Variants in FAM25G observed in about 807,000 individuals in gnomAD.
FAM25G encodes family with sequence similarity 25 member G.
FAM25G carries 3 observed loss-of-function variants against 6.4 expected under a neutral mutation model. The observed-to-expected ratio is 0.47, with a 90% CI of 0.21 to 1.21. FAM25G has a LOEUF of 1.21. FAM25G is among the 50% of genes most tolerant of loss of function. FAM25G has a pLI of 0.22. For synonymous variants in FAM25G, 15 were observed against 31.3 expected (o/e 0.48, Z 1.74); for missense variants, 34 against 76.0 (o/e 0.45, Z 2.06).
At chr10:47,488,162 C>T (rs1428837781) in intron 2 of FAM25G, among the ~76,000 whole-genome samples, 1 of 132,710 alleles carries the variant, frequency 7.5e-6, no homozygotes, top group Non-Finnish European at 1.6e-5. Flanking sequence ...TTCCCATCCT[C>T]CAGGAGTGTG....
chr10:47,489,260 C>A (rs1364249771), intron 2 of FAM25G, among the ~76,000 whole-genome samples: 2 of 142,584 alleles, frequency 1.4e-5, no homozygotes, highest in Non-Finnish European at 3.1e-5. Flanking sequence ...CCTCATGATC[C>A]GCCCTCCTCA....
chr10:47,488,713 ATTTTTTTTTTTTTTT>A (rs1160121365), intron 2 of FAM25G, among the ~76,000 whole-genome samples: 2 of 62,106 alleles, frequency 3.2e-5, no homozygotes, highest in African/African-American at 7.1e-5. Flanking sequence ...TACATGTTAA[ATTTTTTTTTTTTTTT>A]TTTTTTTTTT....
chr10:47,491,699 C>G lies in FAM25G; in HGVS notation c.-25G>C, dbSNP rs1840155971. ...TCGTGTGGCAGCAGACAGTGGCGAA[C>G]TAGGATGCTGAGGACTGGCCCAACA... On this transcript the variant is annotated 5_prime_UTR_variant, in exon 1 of 3. Transcript: ENST00000452267. 1 of 1,542,390 alleles carries G rather than the reference C, an allele frequency of 6.5e-7. No homozygotes were observed. Among genetic ancestry groups the G allele is most frequent in the African/African-American group, 1.4e-5 (1 of 72,214 alleles).
chr10:47,489,024 TTC>T (rs1840099488), intron 2 of FAM25G, among the ~76,000 whole-genome samples: 1 of 135,350 alleles, frequency 7.4e-6, no homozygotes, highest in Admixed American at 7.4e-5. Flanking sequence ...AATTATTTTT[TTC>T]TTTTTTTTTG....
At chr10:47,489,012 G>A (rs1431849322) in intron 2 of FAM25G, among the ~76,000 whole-genome samples, 1 of 145,336 alleles carries the variant, frequency 6.9e-6, no homozygotes. Context: ...ACCGCCCCCA[G>A]CAATTATTTT....
chr10:47,489,064 C>T (rs1364494871), intron 2 of FAM25G, among the ~76,000 whole-genome samples: 1 of 148,900 alleles, frequency 6.7e-6, no homozygotes, highest in Admixed American at 6.7e-5. Context: ...GTAGCCCAGG[C>T]TGGAGTGCAG....
intron 2 of FAM25G, among the ~76,000 whole-genome samples, chr10:47,488,713 ATTTTTTTTTTTT>A (rs1160121365): frequency 3.9e-4 from 24 of 62,118 alleles, no homozygotes; most frequent in Non-Finnish European, 5.5e-4. Context: ...TACATGTTAA[ATTTTTTTTTTTT>A]TTTTTTTTTT....
In FAM25G at chr10:47,491,594, G is replaced by A; in HGVS notation, c.73+8C>T. The A allele has an allele frequency of 6.6e-7, 1 of 1,515,132 alleles. No homozygotes were observed. Among genetic ancestry groups the A allele is most frequent in the Non-Finnish European group, 8.9e-7 (1 of 1,124,026 alleles). 93.9% of individuals were successfully genotyped at this position (1,515,132 alleles called of 1,614,324 possible). ...CAGCCCAGGTAGAAAGGAGCCCTGG[G>A]TCCTCACTGGCTCCCTCGGTGGCCT... On this transcript the variant is annotated splice_region_variant and intron_variant, in intron 1 of 2. Transcript: ENST00000452267.
At chr10:47,489,037 A>G (rs1240194695) in intron 2 of FAM25G, among the ~76,000 whole-genome samples, 4 of 138,638 alleles carry the variant, frequency 2.9e-5, no homozygotes, top group Non-Finnish European at 3.1e-5. Flanking sequence ...TTTTTTTTTG[A>G]GACCGAGTCT....
At chr10:47,491,473 G>C in intron 1 of FAM25G, 129 bp downstream of exon 1, 2 of 607,390 alleles carry the variant, frequency 3.3e-6, no homozygotes, top group Non-Finnish European at 5.5e-6. Flanking sequence ...GGTAGAGCAG[G>C]AGACCAGGGT....
At chr10:47,488,669 C>T (rs1840087876) in intron 2 of FAM25G, among the ~76,000 whole-genome samples, 1 of 140,632 alleles carries the variant, frequency 7.1e-6, no homozygotes, top group Non-Finnish European at 1.5e-5. Context: ...ACTCATAGCT[C>T]ACACACATCA....
At chr10:47,489,220 G>A (rs1214003311) in intron 2 of FAM25G, among the ~76,000 whole-genome samples, 9 of 129,018 alleles carry the variant, frequency 7.0e-5, no homozygotes, top group African/African-American at 1.2e-4. Flanking sequence ...GGGTTTCACC[G>A]TGTTAGCCAG....
Position 47,488,457 on chromosome 10 carries a change from C to T in FAM25G, c.137-1049G>A, listed in dbSNP as rs1318437887. ...AACTCCTGACCTCAGGTGGCCCACC[C>T]GCCTTGGCTTCCCGAAGGGCTAGGA... On this transcript the variant is annotated intron_variant, in intron 2 of 2. Transcript: ENST00000452267. Among the ~76,000 whole-genome samples, 8 of 149,286 alleles carry T rather than the reference C, an allele frequency of 5.4e-5. No homozygotes were observed. The East Asian group carries it at 6.0e-4, about 11-fold the overall frequency.
chr10:47,488,681 T>C (rs1475670647), intron 2 of FAM25G, among the ~76,000 whole-genome samples: 1 of 143,580 alleles, frequency 7.0e-6, no homozygotes, highest in East Asian at 2.2e-4. Context: ...CACACATCAA[T>C]TTAACATTTA....
At position 47,489,331 on chromosome 10, in the gene FAM25G, T is replaced by C. The variant is rs1432955225; in HGVS notation, c.136+255A>G. 5.0e-3 allele frequency among the ~76,000 whole-genome samples: 743 copies of C among 148,818 alleles called. 10 individuals are homozygous for C. Among genetic ancestry groups the C allele is most frequent in the Admixed American group, 9.7e-3 (144 of 14,796 alleles). Reference sequence around the variant, plus strand: ...CCGCACCCTGCCATGTTAAATGTTTTGTCCCAGTGTGCTGTCACATAGTCT... The same window carrying C: ...CCGCACCCTGCCATGTTAAATGTTTCGTCCCAGTGTGCTGTCACATAGTCT... On this transcript the variant is annotated intron_variant, in intron 2 of 2. Coordinates refer to ENST00000452267, the MANE Select transcript of FAM25G (RefSeq NM_001137549.2).
Position 47,487,694 on chromosome 10 carries a change from G to T in FAM25G, c.137-286C>A, listed in dbSNP as rs1466235586. Among the ~76,000 whole-genome samples the T allele has an allele frequency of 2.7e-5, 4 of 147,222 alleles. No individual in the cohort carries two copies. In the Admixed American group the frequency reaches 2.7e-4, roughly 10 times the overall value. ...TATGTCTTTTGACCATTTTTATATTGGGTTGTTATATTGGATTATCATTTT... is the reference window on the plus strand; with the variant it reads ...TATGTCTTTTGACCATTTTTATATTTGGTTGTTATATTGGATTATCATTTT... On this transcript the variant is annotated intron_variant, in intron 2 of 2. Coordinates refer to ENST00000452267, the MANE Select transcript of FAM25G (RefSeq NM_001137549.2).
At chr10:47,491,565 C>T in intron 1 of FAM25G, 37 bp downstream of exon 1, 1 of 1,487,188 alleles carries the variant, frequency 6.7e-7, no homozygotes. Flanking sequence ...GCCCCAGATC[C>T]CCCCAGCCCA....
intron 2 of FAM25G, among the ~76,000 whole-genome samples, chr10:47,487,953 C>G (rs1840076154): frequency 2.0e-5 from 3 of 150,772 alleles, no homozygotes; most frequent in Admixed American, 2.0e-4. Flanking sequence ...CCTCAAAACT[C>G]ATATGCTGAA....
chr10:47,490,612 C>T (rs1840133769), intron 1 of FAM25G, among the ~76,000 whole-genome samples: 1 of 151,014 alleles, frequency 6.6e-6, no homozygotes, highest in Admixed American at 6.6e-5. Flanking sequence ...GCCAGCAAGT[C>T]TAGCAAGCCC....
Sources: allele counts gnomAD v4.1 joint callset (sites outside exome capture counted in the v4.1 genomes callset), GRCh38; gene constraint gnomAD v4.1.1; transcripts MANE v1.5; gene names NCBI Gene and HGNC (gene_info 2026-07-23, HGNC 2026-07-21).